Variants in CARHSP1 observed in about 807,000 individuals in gnomAD.
CARHSP1 encodes the protein calcium-regulated heat-stable protein 1.
In CARHSP1, 14 loss-of-function variants were observed where a neutral mutation model predicts 12.5. The ratio of observed to expected loss-of-function variants is 1.12; its 90% CI spans 0.74 to 1.75. The LOEUF is 1.75. Among genes scored for constraint, CARHSP1 ranks in the 40% most tolerant of loss-of-function variants. The probability of loss-of-function intolerance (pLI) is 0.00; values close to 1 mark genes in which losing one functional copy is unlikely to be tolerated. For synonymous variants in CARHSP1, 161 were observed against 82.0 expected, an observed-to-expected ratio of 1.96 and a Z score of -5.20; for missense variants, 343 against 201.6, an observed-to-expected ratio of 1.70 and a Z score of -4.25.
At chr16:8,868,900 C>A (rs925406616) in intron 1 of CARHSP1, 66 bp downstream of exon 1, 1 of 152,246 alleles carries the variant, frequency 6.6e-6, no homozygotes, top group South Asian at 2.1e-4. Context: ...GAGGCCCCAC[C>A]CCTGCGGCTC....
chr16:8,855,010 T>G lies in CARHSP1; in HGVS notation c.*154A>C. On this transcript the variant is annotated 3_prime_UTR_variant, in exon 4 of 4. Transcript: ENST00000311052. ...CCGGGAACACCCCACACCCCACACC[T>G]GCCCCCCATACCCCTTCCTCCAGGA... 2 of 281,896 alleles carry G rather than the reference T, an allele frequency of 7.1e-6. No individual in the cohort carries two copies. The highest frequency in any genetic ancestry group is 2.4e-5 in the African/African-American group (1 of 41,830). The allele number at this position is 281,896 out of a possible 1,614,324, so 17.5% of individuals were successfully genotyped here.
At chr16:8,864,545 G>A (rs2061423800) in intron 1 of CARHSP1, among the ~76,000 whole-genome samples, 2 of 152,222 alleles carry the variant, frequency 1.3e-5, no homozygotes, top group African/African-American at 4.8e-5. Flanking sequence ...CTTGCCCAGG[G>A]TCGCCCGGCT....
At chr16:8,857,280 T>TTTTG (rs1567181227) in intron 3 of CARHSP1, among the ~76,000 whole-genome samples, 1 of 119,018 alleles carries the variant, frequency 8.4e-6, no homozygotes, top group East Asian at 2.6e-4. Context: ...TTTTTTTTTT[T>TTTTG]TTTTTTTTTT....
chr16:8,867,873 G>A (rs2061476195), intron 1 of CARHSP1: 1 of 152,376 alleles, frequency 6.6e-6, no homozygotes, highest in South Asian at 2.1e-4. Flanking sequence ...AGAAGTTGGG[G>A]ACTTAGACGA....
chr16:8,853,289 C>G lies in CARHSP1; in HGVS notation c.*1875G>C, dbSNP rs763580615. 6.6e-6 allele frequency: 1 copy of G among 151,956 alleles called. No homozygotes were observed. The highest frequency in any genetic ancestry group is 1.5e-5 in the Non-Finnish European group (1 of 68,066). 9.4% of individuals were successfully genotyped at this position (151,956 alleles called of 1,614,324 possible). A position where few individuals can be genotyped will look rare whatever the true frequency, so the allele number is the denominator to read the frequency against. ...CTTGGCTGTGGAAGTGTGGACTGTA[C>G]CAGCAGATGGGCCCTTGGGAAGCCA... On this transcript the variant is annotated 3_prime_UTR_variant, in exon 4 of 4. Coordinates refer to ENST00000311052, the MANE Select transcript of CARHSP1 (RefSeq NM_014316.4).
At position 8,858,194 on chromosome 16, in the gene CARHSP1, G is replaced by A. The variant is rs542978620; in HGVS notation, c.281+156C>T. 1.0e-4 allele frequency: 86 copies of A among 860,476 alleles called. No individual in the cohort carries two copies. In the African/African-American group the frequency reaches 1.2e-3, roughly 12 times the overall value. 53.3% of individuals were successfully genotyped at this position (860,476 alleles called of 1,614,324 possible). ...CAACCCCAACCCAACACACACACAG[G>A]AGCACAGCTGGAGCACCAGCCACAG... On this transcript the variant is annotated intron_variant, in intron 3 of 3. Coordinates refer to ENST00000311052, the MANE Select transcript of CARHSP1 (RefSeq NM_014316.4).
chr16:8,855,116 C>CCGCAAAG lies in CARHSP1; in HGVS notation c.*47_*48insCTTTGCG. The CCGCAAAG allele has an allele frequency of 6.9e-7, 1 of 1,453,264 alleles. No individual in the cohort carries two copies. Among genetic ancestry groups the CCGCAAAG allele is most frequent in the Non-Finnish European group, 9.2e-7 (1 of 1,087,530 alleles). 90.0% of individuals were successfully genotyped at this position (1,453,264 alleles called of 1,614,324 possible). A position where few individuals can be genotyped will look rare whatever the true frequency, so the allele number is the denominator to read the frequency against. ...ATCTCCAGTGTCTGCTGCCTCCTCC[C>CCGCAAAG]TGCAAAGTCTCCCACAAGCACAGGA... On this transcript the variant is annotated 3_prime_UTR_variant, in exon 4 of 4. Coordinates refer to ENST00000311052, the MANE Select transcript of CARHSP1 (RefSeq NM_014316.4).
At chr16:8,865,200 C>G (rs187671666) in intron 1 of CARHSP1, among the ~76,000 whole-genome samples, 1 of 152,174 alleles carries the variant, frequency 6.6e-6, no homozygotes, top group Non-Finnish European at 1.5e-5. Context: ...ACCCCCGCCC[C>G]CCAGGTTCAA....
rs759244031 is a variant in CARHSP1, at chr16:8,859,170, C to T, written c.158+1G>A. 1.4e-5 allele frequency: 23 copies of T among 1,596,818 alleles called. No individual in the cohort carries two copies. Among genetic ancestry groups the T allele is most frequent in the African/African-American group, 2.7e-5 (2 of 73,710 alleles). ...GCGTCCCCAGCCTGCTCCAGACTCACGCCGAGAAGGTCCTCGTCCGGCGAG... is the reference window on the plus strand; with the variant it reads ...GCGTCCCCAGCCTGCTCCAGACTCATGCCGAGAAGGTCCTCGTCCGGCGAG... On this transcript the variant is annotated splice_donor_variant, in intron 2 of 3. Coordinates refer to ENST00000311052, the MANE Select transcript of CARHSP1 (RefSeq NM_014316.4). LOFTEE classifies it high-confidence loss of function.
chr16:8,858,255 C>A (rs1596530533), intron 3 of CARHSP1, 95 bp downstream of exon 3: 1 of 1,432,692 alleles, frequency 7.0e-7, no homozygotes, highest in Non-Finnish European at 9.5e-7. Flanking sequence ...CGTCCTCACA[C>A]CCAGCGCCCA....
Position 8,857,263 on chromosome 16 carries a change from G to GTTTTTTTTTTTTTTT in CARHSP1, c.281+1072_281+1086dup, listed in dbSNP as rs756390920. On this transcript the variant is annotated intron_variant, in intron 3 of 3. Coordinates refer to ENST00000311052, the MANE Select transcript of CARHSP1 (RefSeq NM_014316.4). ...TGGCTATGTGATCTTGGGCAGATCT[G>GTTTTTTTTTTTTTTT]TTTTTTTTTTTTTTTTTTTTTTTTT... Among the ~76,000 whole-genome samples, 17 of 57,030 alleles carry GTTTTTTTTTTTTTTT rather than the reference G, an allele frequency of 3.0e-4. 1 individual carries two copies. Among genetic ancestry groups the GTTTTTTTTTTTTTTT allele is most frequent in the Non-Finnish European group, 4.8e-4 (13 of 26,894 alleles). The allele number at this position is 57,030 out of a possible 152,430, so 37.4% of individuals were successfully genotyped here.
intron 1 of CARHSP1, among the ~76,000 whole-genome samples, chr16:8,862,031 G>C (rs1438375857): frequency 1.0e-5 from 1 of 96,122 alleles, no homozygotes; most frequent in Non-Finnish European, 2.3e-5. Context: ...TTGAGATGGA[G>C]TCCTGCTGTC....
At chr16:8,862,019 A>ATTTTTTTTTTTTTTTTTTTTTTT (rs1555457429) in intron 1 of CARHSP1, among the ~76,000 whole-genome samples, 53 of 72,502 alleles carry the variant, frequency 7.3e-4, no homozygotes, top group Non-Finnish European at 1.1e-3. Context: ...TTTTTTTTTA[A>ATTTTTTTTTTTTTTTTTTTTTTT]TTTGAGATGG....
chr16:8,864,283 C>A (rs1218363631), intron 1 of CARHSP1, among the ~76,000 whole-genome samples: 1 of 152,144 alleles, frequency 6.6e-6, no homozygotes, highest in Admixed American at 6.6e-5. Context: ...TCTGTATGCA[C>A]ACGTCCATGG....
chr16:8,868,268 G>A (rs2061480620), intron 1 of CARHSP1: 1 of 152,184 alleles, frequency 6.6e-6, no homozygotes, highest in Admixed American at 6.5e-5. Context: ...GAAAACCATA[G>A]GGCCGGAGGC....
intron 1 of CARHSP1, among the ~76,000 whole-genome samples, chr16:8,862,929 C>G (rs1275757398): frequency 6.6e-6 from 1 of 151,992 alleles, no homozygotes; most frequent in East Asian, 1.9e-4. Flanking sequence ...CCTTCTTTCT[C>G]CACCCAAGCC....
rs540871040 is a variant in CARHSP1, at chr16:8,852,966, A to C, written c.*2198T>G. ...ATAGCCTTGCACAAAACAAAAATTT[A>C]TTGGGAGAAAGATGGCTGATGGGAG... On this transcript the variant is annotated 3_prime_UTR_variant, in exon 4 of 4. Transcript: ENST00000311052. 1 of 152,166 alleles carries C rather than the reference A, an allele frequency of 6.6e-6. No homozygotes were observed. The highest frequency in any genetic ancestry group is 1.5e-5 in the Non-Finnish European group (1 of 68,038). The allele number at this position is 152,166 out of a possible 1,614,324, so 9.4% of individuals were successfully genotyped here. A position where few individuals can be genotyped will look rare whatever the true frequency, so the allele number is the denominator to read the frequency against.
chr16:8,856,601 C>A (rs542233231), intron 3 of CARHSP1, among the ~76,000 whole-genome samples: 1 of 146,162 alleles, frequency 6.8e-6, no homozygotes, highest in Non-Finnish European at 1.5e-5. Flanking sequence ...TCCTGCCTGC[C>A]GATCTGATAG....
At chr16:8,868,683 C>G (rs1295639046) in intron 1 of CARHSP1, 1 of 151,860 alleles carries the variant, frequency 6.6e-6, no homozygotes, top group Admixed American at 6.5e-5. Flanking sequence ...GGAAGAGCTT[C>G]CCCTGCACGC....
Sources: gnomAD v4.1 joint callset for allele counts (sites outside exome capture counted in the v4.1 genomes callset) on GRCh38, gnomAD v4.1.1 for gene constraint, MANE v1.5 for transcripts, NCBI Gene and HGNC (gene_info 2026-07-23, HGNC 2026-07-21) for gene names.